NAALADL2: variants seen among roughly 807,000 people sequenced by gnomAD.
NAALADL2 encodes inactive N-acetylated-alpha-linked acidic dipeptidase-like protein 2.
A neutral mutation model predicts 87.2 loss-of-function variants in NAALADL2; 76 were observed. The ratio of observed to expected loss-of-function variants is 0.87; its 90% CI spans 0.72 to 1.05. The LOEUF is 1.05. NAALADL2 is among the 50% of genes least tolerant of loss of function. NAALADL2 has a pLI of 0.00. For missense variants in NAALADL2, 1,089 were observed against 945.8 expected (o/e 1.15, Z -1.99); for synonymous variants, 354 against 331.0 (o/e 1.07, Z -0.75).
At chr3:174,882,909 A>T (rs937083581) in intron 1 of NAALADL2, among the ~76,000 whole-genome samples, 1 of 150,418 alleles carries the variant, frequency 6.6e-6, no homozygotes, top group East Asian at 2.0e-4. Flanking sequence ...ATGTGTATAT[A>T]TATGTTTGTA....
chr3:175,465,520 C>T (rs112961364), intron 7 of NAALADL2, among the ~76,000 whole-genome samples: 4,397 of 134,932 alleles, frequency 0.033, 240 homozygotes, highest in African/African-American at 0.12. Flanking sequence ...TATCACGGGG[C>T]TGGAATGTAG....
At position 174,763,083 on chromosome 3, in the gene NAALADL2, G is replaced by A. The variant is rs529028539; in HGVS notation, c.-9+25337G>A. The stretch of plus-strand genomic sequence containing the variant: ...TTACTTTGCTCCTAGTTGTGTTTGA[G>A]TTACCACATTGGATCCTATTATGAA... On this transcript the variant is annotated intron_variant, in intron 3 of 3. Coordinates refer to the NAALADL2 transcript ENST00000434257. Among the ~76,000 whole-genome samples the A allele has an allele frequency of 7.2e-5, 11 of 151,958 alleles. No individual in the cohort carries two copies. The South Asian group carries it at 1.5e-3, about 20-fold the overall frequency.
At chr3:175,745,653 C>T (rs9857587) in intron 12 of NAALADL2, among the ~76,000 whole-genome samples, 3,240 of 152,198 alleles carry the variant, frequency 0.021, 54 homozygotes, top group Admixed American at 0.061. Context: ...CAAATATTTT[C>T]AATCTACAGT....
At chr3:174,472,290 T>C (rs368418509) in intron 1 of NAALADL2, among the ~76,000 whole-genome samples, 2 of 152,218 alleles carry the variant, frequency 1.3e-5, no homozygotes, top group African/African-American at 4.8e-5. Context: ...TAGAACTAAA[T>C]AGGAATTGAG....
chr3:174,673,541 G>A (rs963958568), intron 2 of NAALADL2, among the ~76,000 whole-genome samples: 1 of 151,052 alleles, frequency 6.6e-6, no homozygotes, highest in Non-Finnish European at 1.5e-5. Context: ...AAATAAGCCA[G>A]GCACAGAAAA....
intron 1 of NAALADL2, among the ~76,000 whole-genome samples, chr3:174,898,138 AAAAAAG>A: frequency 7.5e-5 from 10 of 132,568 alleles, no homozygotes; most frequent in African/African-American, 3.7e-4. Context: ...AAAAAAAAAA[AAAAAAG>A]AAAAAAAGAA....
intron 5 of NAALADL2, among the ~76,000 whole-genome samples, chr3:175,378,547 T>C (rs1767427273): frequency 6.6e-6 from 1 of 152,198 alleles, no homozygotes; most frequent in African/African-American, 2.4e-5. Context: ...ACAGCTTAGA[T>C]TGCATCTGAA....
intron 3 of NAALADL2, among the ~76,000 whole-genome samples, chr3:174,767,767 C>A (rs1057289392): frequency 6.6e-6 from 1 of 152,196 alleles, no homozygotes; most frequent in Admixed American, 6.5e-5. Flanking sequence ...TATCTAAACT[C>A]AGAACAACTG....
chr3:174,684,682 T>C (rs951106158), intron 2 of NAALADL2, among the ~76,000 whole-genome samples: 7 of 152,136 alleles, frequency 4.6e-5, no homozygotes, highest in African/African-American at 1.7e-4. Flanking sequence ...TCCTTTATGA[T>C]TGTGTTCTAT....
At chr3:175,013,392 G>A (rs1290309516) in intron 1 of NAALADL2, among the ~76,000 whole-genome samples, 3 of 137,216 alleles carry the variant, frequency 2.2e-5, no homozygotes, top group African/African-American at 8.4e-5. Context: ...TCCACCTCCT[G>A]GGTTCAAGTG....
chr3:175,589,464 C>T (rs1721048537), intron 10 of NAALADL2, among the ~76,000 whole-genome samples: 1 of 151,660 alleles, frequency 6.6e-6, no homozygotes, highest in Admixed American at 6.6e-5. Flanking sequence ...TTTCTTCTTT[C>T]CTCTGTTTCT....
intron 2 of NAALADL2, among the ~76,000 whole-genome samples, chr3:174,705,705 C>T (rs1729996461): frequency 6.6e-6 from 1 of 151,550 alleles, no homozygotes; most frequent in African/African-American, 2.4e-5. Flanking sequence ...ATGGCGTGAA[C>T]CCGGGAGGCG....
chr3:175,112,143 G>T (rs1232068827), intron 2 of NAALADL2, among the ~76,000 whole-genome samples: 1 of 151,364 alleles, frequency 6.6e-6, no homozygotes, highest in Non-Finnish European at 1.5e-5. Flanking sequence ...GTTAATAAAA[G>T]GTCTTCAGCC....
intron 5 of NAALADL2, among the ~76,000 whole-genome samples, chr3:175,424,823 C>T (rs1716503545): frequency 6.6e-6 from 1 of 152,078 alleles, no homozygotes; most frequent in South Asian, 2.1e-4. Context: ...CAAGCACTGC[C>T]ACATAAATAT....
intron 5 of NAALADL2, among the ~76,000 whole-genome samples, chr3:175,398,732 G>A (rs1034214525): frequency 6.6e-6 from 1 of 151,856 alleles, no homozygotes; most frequent in African/African-American, 2.4e-5. Context: ...ATTTCCACAT[G>A]GGTTTCATTT....
intron 3 of NAALADL2, among the ~76,000 whole-genome samples, chr3:174,799,148 C>A (rs557804552): frequency 4.1e-5 from 6 of 147,860 alleles, no homozygotes; most frequent in Middle Eastern, 3.5e-3. Flanking sequence ...CCAGCCTGGG[C>A]GACAGAGCAA....
At chr3:175,678,291 C>T (rs1223662943) in intron 11 of NAALADL2, among the ~76,000 whole-genome samples, 2 of 152,150 alleles carry the variant, frequency 1.3e-5, no homozygotes, top group East Asian at 3.9e-4. Context: ...ATTGCCCTCT[C>T]CTGTCCCCTG....
At chr3:175,691,934 C>A (rs760730407) in intron 11 of NAALADL2, among the ~76,000 whole-genome samples, 6 of 152,092 alleles carry the variant, frequency 3.9e-5, no homozygotes, top group Non-Finnish European at 7.4e-5. Flanking sequence ...TTACGGTAAA[C>A]CTTTCACCTT....
At chr3:175,271,035 A>G (rs1752756503) in intron 4 of NAALADL2, 1 of 152,208 alleles carries the variant, frequency 6.6e-6, no homozygotes, top group African/African-American at 2.4e-5. Flanking sequence ...TTCTTAATGA[A>G]TAGGCATGCA....
Sources: allele counts gnomAD v4.1 joint callset (sites outside exome capture counted in the v4.1 genomes callset), GRCh38; gene constraint gnomAD v4.1.1; transcripts MANE v1.5; gene names NCBI Gene and HGNC (gene_info 2026-07-23, HGNC 2026-07-21).